ZBTB20: variants seen among roughly 807,000 people sequenced by gnomAD.
ZBTB20 encodes the protein zinc finger and BTB domain containing 20.
In ZBTB20, 9 loss-of-function variants were observed where a neutral mutation model predicts 56.9. The observed-to-expected ratio is 0.16, with a 90% confidence interval of 0.10 to 0.28. The LOEUF is 0.28. ZBTB20 is among the 10% of genes least tolerant of loss of function. ZBTB20 has a pLI of 1.00. For synonymous variants in ZBTB20, 417 were observed against 420.7 expected, an observed-to-expected ratio of 0.99 and a Z score of 0.11; for missense variants, 655 against 1,003.0, an observed-to-expected ratio of 0.65 and a Z score of 4.69.
At chr3:114,974,740 T>C (rs1218187756) in intron 2 of ZBTB20, among the ~76,000 whole-genome samples, 1 of 152,146 alleles carries the variant, frequency 6.6e-6, no homozygotes, top group African/African-American at 2.4e-5. Flanking sequence ...AAATCCCAAA[T>C]TGCTTTTAAC....
intron 10 of ZBTB20, among the ~76,000 whole-genome samples, chr3:114,377,092 C>A (rs935879036): frequency 6.6e-6 from 1 of 152,184 alleles, no homozygotes; most frequent in African/African-American, 2.4e-5. Context: ...AAAGGGAGCA[C>A]TTGGCTCAGC....
At chr3:114,605,428 CTTAT>C (rs780409960) in intron 6 of ZBTB20, among the ~76,000 whole-genome samples, 134 of 152,214 alleles carry the variant, frequency 8.8e-4, no homozygotes, top group Middle Eastern at 6.8e-3. Context: ...GGGTTCTGTT[CTTAT>C]TTTAGGCAAT....
chr3:114,434,148 TAGTGTAAAAAGTTCAG>T, intron 7 of ZBTB20, among the ~76,000 whole-genome samples: 1 of 152,272 alleles, frequency 6.6e-6, no homozygotes, highest in Non-Finnish European at 1.5e-5. Flanking sequence ...CTTCCCACAC[TAGTGTAAAAAGTTCAG>T]TTTTTTACCC....
At chr3:114,394,185 T>C (rs2086139803) in intron 7 of ZBTB20, among the ~76,000 whole-genome samples, 1 of 152,204 alleles carries the variant, frequency 6.6e-6, no homozygotes, top group Admixed American at 6.5e-5. Context: ...TTAACCCTCA[T>C]AGCAATGCTA....
At chr3:114,937,514 C>T (rs906849222) in intron 3 of ZBTB20, among the ~76,000 whole-genome samples, 2 of 151,822 alleles carry the variant, frequency 1.3e-5, no homozygotes, top group Admixed American at 6.6e-5. Flanking sequence ...CTCCGGCTCC[C>T]GCGTTCAAGT....
intron 6 of ZBTB20, among the ~76,000 whole-genome samples, chr3:114,685,082 T>C (rs2062246936): frequency 6.6e-6 from 1 of 152,158 alleles, no homozygotes; most frequent in African/African-American, 2.4e-5. Flanking sequence ...TACATCATTC[T>C]GTTTTCCCAT....
At chr3:114,845,894 T>C (rs1304105060) in intron 4 of ZBTB20, among the ~76,000 whole-genome samples, 1 of 152,186 alleles carries the variant, frequency 6.6e-6, no homozygotes, top group Non-Finnish European at 1.5e-5. Context: ...ACTGCACTTG[T>C]CTTGACCATA....
chr3:114,591,062 A>G (rs1326720935), intron 6 of ZBTB20, among the ~76,000 whole-genome samples: 1 of 152,212 alleles, frequency 6.6e-6, no homozygotes, highest in Non-Finnish European at 1.5e-5. Flanking sequence ...AGCTACTATT[A>G]GCGCTCTACC....
chr3:114,828,540 TAAG>T (rs1053500619), intron 4 of ZBTB20, among the ~76,000 whole-genome samples: 82 of 151,990 alleles, frequency 5.4e-4, no homozygotes, highest in African/African-American at 1.8e-3. Context: ...ATTAGAAGAT[TAAG>T]AAGGTTATTT....
rs1051467865 is a variant in ZBTB20 at position 114,317,889 on chromosome 3, G to A, written c.*21116C>T. Reference sequence around the variant, plus strand: ...GGGAAGCTGGAAAAGGGGAACAAGAGAGAGTTTTTAGACAGAAGAAAGGAA... The same window carrying A: ...GGGAAGCTGGAAAAGGGGAACAAGAAAGAGTTTTTAGACAGAAGAAAGGAA... On this transcript the variant is annotated 3_prime_UTR_variant, in exon 12 of 12. Coordinates refer to ENST00000675478, the MANE Select transcript of ZBTB20 (RefSeq NM_001348800.3). The A allele has an allele frequency of 2.0e-5, 3 of 152,202 alleles. No individual in the cohort carries two copies. The highest frequency in any genetic ancestry group is 7.2e-5 in the African/African-American group (3 of 41,446). The allele number at this position is 152,202 out of a possible 1,614,324, so 9.4% of individuals were successfully genotyped here.
intron 7 of ZBTB20, among the ~76,000 whole-genome samples, chr3:114,401,347 T>C (rs574026928): frequency 6.6e-6 from 1 of 152,244 alleles, no homozygotes; most frequent in South Asian, 2.1e-4. Context: ...AGACACCTTC[T>C]CTAACACTCT....
intron 1 of ZBTB20, among the ~76,000 whole-genome samples, chr3:115,097,511 T>A (rs1176252892): frequency 1.3e-5 from 2 of 152,166 alleles, no homozygotes; most frequent in Admixed American, 1.3e-4. Context: ...CTGATTTTTA[T>A]CAGCACACAC....
chr3:114,876,135 T>A (rs192493240), intron 4 of ZBTB20, among the ~76,000 whole-genome samples: 2,338 of 150,238 alleles, frequency 0.016, 30 homozygotes, highest in Middle Eastern at 0.041. Flanking sequence ...TTTTTTTTTT[T>A]AATTTTTTAT....
intron 6 of ZBTB20, among the ~76,000 whole-genome samples, chr3:114,562,715 C>T (rs1037191746): frequency 6.6e-6 from 1 of 152,106 alleles, no homozygotes; most frequent in Non-Finnish European, 1.5e-5. Context: ...TTCACTTGAA[C>T]ACTTAGAGGT....
At chr3:114,936,527 C>T (rs1195053428) in intron 3 of ZBTB20, among the ~76,000 whole-genome samples, 2 of 151,656 alleles carry the variant, frequency 1.3e-5, no homozygotes, top group Non-Finnish European at 2.9e-5. Flanking sequence ...GTCAAAAATG[C>T]CACAAAAAGA....
chr3:114,454,674 G>A (rs866652657), intron 7 of ZBTB20: 5 of 151,610 alleles, frequency 3.3e-5, no homozygotes, highest in African/African-American at 4.8e-5. Flanking sequence ...CTGCCTCTTT[G>A]AAAAACCTTC....
chr3:114,748,704 A>C (rs893638670), intron 5 of ZBTB20, among the ~76,000 whole-genome samples: 3 of 152,162 alleles, frequency 2.0e-5, no homozygotes. Context: ...CAGTCTTCTC[A>C]CTGCTTCACT....
intron 4 of ZBTB20, among the ~76,000 whole-genome samples, chr3:114,824,321 ATCCT>A (rs1472019813): frequency 2.0e-5 from 3 of 152,016 alleles, no homozygotes; most frequent in Non-Finnish European, 2.9e-5. Context: ...TACAAAACAT[ATCCT>A]GAAACTAAAA....
chr3:114,331,492 GTATC>G lies in ZBTB20; in HGVS notation c.*7509_*7512del, dbSNP rs1380106089. ...AACACAATGGTGGGAAGAGGCAACT[GTATC>G]TATGCACGAGGACCTCTGCCTGTGT... On this transcript the variant is annotated 3_prime_UTR_variant, in exon 12 of 12. Transcript: ENST00000675478. 6.6e-6 allele frequency: 1 copy of G among 151,984 alleles called. No individual in the cohort carries two copies. Among genetic ancestry groups the G allele is most frequent in the East Asian group, 1.9e-4 (1 of 5,156 alleles). 9.4% of individuals were successfully genotyped at this position (151,984 alleles called of 1,614,324 possible).
Sources: allele counts gnomAD v4.1 joint callset (sites outside exome capture counted in the v4.1 genomes callset), GRCh38; gene constraint gnomAD v4.1.1; transcripts MANE v1.5; gene names NCBI Gene and HGNC (gene_info 2026-07-23, HGNC 2026-07-21).